MCC: variants seen among roughly 807,000 people sequenced by gnomAD.
MCC encodes the protein MCC regulator of Wnt signaling pathway, also known as colorectal mutant cancer protein.
A neutral mutation model predicts 116.2 loss-of-function variants in MCC; 90 were observed. That is an observed-to-expected ratio of 0.77 (90% CI 0.65 to 0.92). The LOEUF (loss-of-function observed/expected upper bound fraction) is 0.92. Among genes scored for constraint, MCC ranks in the 40% least tolerant of loss-of-function variants. MCC has a pLI of 0.00. For synonymous variants in MCC, 578 were observed against 510.5 expected (o/e 1.13, Z -1.78); for missense variants, 1,516 against 1,312.2 (o/e 1.16, Z -2.40).
intron 9 of MCC, 146 bp downstream of exon 9, chr5:113,085,018 T>C (rs1320154586): frequency 9.6e-7 from 1 of 1,042,904 alleles, no homozygotes; most frequent in African/African-American, 1.6e-5. Context: ...TTGCAGCTCC[T>C]GCATAGAAGG....
chr5:113,339,274 G>C (rs1468313200), intron 3 of MCC, among the ~76,000 whole-genome samples: 4 of 151,826 alleles, frequency 2.6e-5, no homozygotes, highest in Admixed American at 6.6e-5. Flanking sequence ...AGACAGGAGA[G>C]AGAGTAATCA....
rs373688997 is a variant in MCC at position 113,431,919 on chromosome 5, C to T, written c.171-46707G>A. On this transcript the variant is annotated intron_variant, in intron 1 of 18. Coordinates refer to ENST00000408903, the MANE Select transcript of MCC (RefSeq NM_001085377.2). ...TTGGGAGGCCGAGGTAGGCAGATCA[C>T]GAGGTCAAGAGATCAAGATCATCCT... Among the ~76,000 whole-genome samples, 5 of 152,184 alleles carry T rather than the reference C, an allele frequency of 3.3e-5. No homozygotes were observed. The South Asian group carries it at 6.2e-4, about 19-fold the overall frequency.
At position 113,434,514 on chromosome 5, in the gene MCC, T is replaced by G. The variant is rs368990432; in HGVS notation, c.171-49302A>C. The G allele has an allele frequency of 1.7e-5, 27 of 1,612,780 alleles. No individual in the cohort carries two copies. Among genetic ancestry groups the G allele is most frequent in the Non-Finnish European group, 2.2e-5 (26 of 1,179,070 alleles). On this transcript the variant is annotated intron_variant, in intron 1 of 18. Coordinates refer to ENST00000408903, the MANE Select transcript of MCC (RefSeq NM_001085377.2). This position sits in a 1 kb window ranked among gnomAD's most constrained non-coding sequence, Gnocchi z 4.2. ...GAACTTCTTGCGAGCTTCGTCCTCA[T>G]GCAGGGCTCCCCGGGTTTTGATTAA...
intron 3 of MCC, among the ~76,000 whole-genome samples, chr5:113,236,941 A>G (rs545645629): frequency 7.4e-4 from 112 of 152,326 alleles, no homozygotes; most frequent in Non-Finnish European, 1.3e-3. Flanking sequence ...TAAAGCTGCA[A>G]TGAATATACT....
At chr5:113,323,864 T>A (rs1767483403) in intron 3 of MCC, among the ~76,000 whole-genome samples, 1 of 152,150 alleles carries the variant, frequency 6.6e-6, no homozygotes, top group Non-Finnish European at 1.5e-5. Flanking sequence ...GCCAGTGCAC[T>A]CCATCCTGGG....
intron 5 of MCC, among the ~76,000 whole-genome samples, chr5:113,136,425 A>T (rs1268122872): frequency 6.6e-6 from 1 of 152,198 alleles, no homozygotes; most frequent in East Asian, 1.9e-4. Context: ...ACATGCATTG[A>T]TATTCCTATA....
chr5:113,342,215 C>T (rs995513668), intron 2 of MCC, among the ~76,000 whole-genome samples: 1 of 151,994 alleles, frequency 6.6e-6, no homozygotes, highest in African/African-American at 2.4e-5. Flanking sequence ...GTATATATAC[C>T]ACATTTTCTT....
intron 1 of MCC, among the ~76,000 whole-genome samples, chr5:113,424,003 C>T (rs1018984238): frequency 2.0e-5 from 3 of 152,076 alleles, no homozygotes; most frequent in East Asian, 1.9e-4. Flanking sequence ...AAGGACATCC[C>T]TCTGGGGATA....
At chr5:113,310,511 A>T (rs1435486802) in intron 3 of MCC, among the ~76,000 whole-genome samples, 2 of 152,256 alleles carry the variant, frequency 1.3e-5, no homozygotes, top group African/African-American at 4.8e-5. Context: ...CCTATGACAT[A>T]TGAGAAAGCT....
intron 3 of MCC, among the ~76,000 whole-genome samples, chr5:113,201,818 A>G (rs1762693350): frequency 6.6e-6 from 1 of 152,154 alleles, no homozygotes; most frequent in Non-Finnish European, 1.5e-5. Flanking sequence ...GCTAGATTAA[A>G]ATCAAGCAAG....
Position 113,156,028 on chromosome 5 carries a change from G to C in MCC, c.628-4606C>G, listed in dbSNP as rs189784745. On this transcript the variant is annotated intron_variant, in intron 3 of 18. Transcript: ENST00000408903. ...CCATCCTTGCTGTTTGGTATCTTATGTGATGGATGGAGCTCTAGCAGCCAT... is the reference window on the plus strand; with the variant it reads ...CCATCCTTGCTGTTTGGTATCTTATCTGATGGATGGAGCTCTAGCAGCCAT... 2.9e-3 allele frequency among the ~76,000 whole-genome samples: 445 copies of C among 152,258 alleles called. 1 individual carries two copies. Among genetic ancestry groups the C allele is most frequent in the Non-Finnish European group, 4.8e-3 (327 of 68,026 alleles).
chr5:113,224,440 C>T (rs574348193), intron 3 of MCC, among the ~76,000 whole-genome samples: 1 of 152,128 alleles, frequency 6.6e-6, no homozygotes, highest in African/African-American at 2.4e-5. Context: ...AACTATTTTT[C>T]TTTATTCAAA....
intron 3 of MCC, among the ~76,000 whole-genome samples, chr5:113,262,558 A>T (rs1411337351): frequency 6.6e-6 from 1 of 152,150 alleles, no homozygotes; most frequent in Non-Finnish European, 1.5e-5. Flanking sequence ...TATACATGTC[A>T]CCTTAATTCC....
intron 3 of MCC, among the ~76,000 whole-genome samples, chr5:113,182,554 C>T (rs1419908033): frequency 6.6e-6 from 1 of 152,026 alleles, no homozygotes; most frequent in Non-Finnish European, 1.5e-5. Flanking sequence ...CAATATCGTA[C>T]CACTGCACTC....
At position 113,027,552 on chromosome 5, in the gene MCC, C is replaced by A. The variant is rs915871514; in HGVS notation, c.2880-70G>T. ...TAGCATCGTGACACCATCCTGTCCA[C>A]TGGATAACCAGATCTAGTGAGCACT... On this transcript the variant is annotated intron_variant, in intron 18 of 18. Transcript: ENST00000408903. 14 of 1,388,388 alleles carry A rather than the reference C, an allele frequency of 1.0e-5. No homozygotes were observed. The African/African-American group carries it at 1.8e-4, about 18-fold the overall frequency. 86.0% of individuals were successfully genotyped at this position (1,388,388 alleles called of 1,614,324 possible).
In MCC at chr5:113,180,804, A is replaced by G. The variant is rs185740266; in HGVS notation, c.628-29382T>C. On this transcript the variant is annotated intron_variant, in intron 3 of 18. Transcript: ENST00000408903. Reference sequence around the variant, plus strand: ...GGGATTTAAGGTAATTTTTATTTTAATATTTTTCTGACTTTCTACATTTTA... The same window carrying G: ...GGGATTTAAGGTAATTTTTATTTTAGTATTTTTCTGACTTTCTACATTTTA... 1.6e-4 allele frequency among the ~76,000 whole-genome samples: 25 copies of G among 152,284 alleles called. 1 individual carries two copies. Among genetic ancestry groups the G allele is most frequent in the African/African-American group, 6.0e-4 (25 of 41,554 alleles).
chr5:113,045,780 C>G (rs1297443049), intron 16 of MCC, among the ~76,000 whole-genome samples: 3 of 127,250 alleles, frequency 2.4e-5, no homozygotes, highest in Non-Finnish European at 4.8e-5. Flanking sequence ...GCCTGGGCAA[C>G]AAGAGTGAAA....
At chr5:113,485,278 G>A (rs917165885) in intron 1 of MCC, among the ~76,000 whole-genome samples, 13 of 152,140 alleles carry the variant, frequency 8.5e-5, no homozygotes, top group African/African-American at 3.1e-4. Context: ...GTTCAGCGGA[G>A]GACCAGAGCA....
intron 3 of MCC, chr5:113,294,601 G>A (rs1210679303): frequency 8.3e-7 from 1 of 1,197,910 alleles, no homozygotes; most frequent in East Asian, 3.6e-5. Context: ...CATTGCTGCA[G>A]GAGGCTCGGT....
Sources: allele counts gnomAD v4.1 joint callset (sites outside exome capture counted in the v4.1 genomes callset), GRCh38; gene constraint gnomAD v4.1.1; non-coding constraint Gnocchi (gnomAD v3.1); transcripts MANE v1.5; gene names NCBI Gene and HGNC (gene_info 2026-07-23, HGNC 2026-07-21).